Variants in ORC5 observed in about 807,000 individuals in gnomAD.
ORC5 encodes the protein protein phosphatase 1, regulatory subunit 117.
A neutral mutation model predicts 58.8 loss-of-function variants in ORC5; 39 were observed. The ratio of observed to expected loss-of-function variants is 0.66; its 90% CI spans 0.51 to 0.87. ORC5 has a LOEUF of 0.87. Ranked by LOEUF, ORC5 falls within the 40% of genes least tolerant of loss-of-function variation. The pLI, the probability that ORC5 is intolerant of heterozygous loss-of-function variation, is 0.00. For missense variants in ORC5, 493 were observed against 506.3 expected, an observed-to-expected ratio of 0.97 and a Z score of 0.25; for synonymous variants, 218 against 177.6, an observed-to-expected ratio of 1.23 and a Z score of -1.81.
intron 12 of ORC5, among the ~76,000 whole-genome samples, chr7:104,141,749 A>G (rs865852166): frequency 1.3e-5 from 2 of 152,220 alleles, no homozygotes; most frequent in Admixed American, 6.5e-5. Context: ...AAAACATGTA[A>G]GAATAAATTT....
At chr7:104,158,353 G>C (rs1311298820) in intron 12 of ORC5, among the ~76,000 whole-genome samples, 1 of 152,034 alleles carries the variant, frequency 6.6e-6, no homozygotes, top group African/African-American at 2.4e-5. Context: ...TTAAACGTTA[G>C]ACCTAAAACC....
chr7:104,182,587 G>A (rs777108813), intron 8 of ORC5, among the ~76,000 whole-genome samples: 1 of 151,784 alleles, frequency 6.6e-6, no homozygotes, highest in Admixed American at 6.6e-5. Flanking sequence ...GGAAATGTCG[G>A]TGTTACCGCT....
intron 11 of ORC5, among the ~76,000 whole-genome samples, chr7:104,162,891 G>A (rs1262788790): frequency 6.6e-6 from 1 of 152,138 alleles, no homozygotes; most frequent in Non-Finnish European, 1.5e-5. Context: ...TACCGCATAT[G>A]TATCCACAAA....
At chr7:104,161,921 C>T (rs1799031753) in intron 11 of ORC5, among the ~76,000 whole-genome samples, 1 of 152,120 alleles carries the variant, frequency 6.6e-6, no homozygotes, top group South Asian at 2.1e-4. Context: ...GTACCACTGC[C>T]AGGAAAATTC....
chr7:104,127,779 A>G (rs1335878991), intron 13 of ORC5, among the ~76,000 whole-genome samples: 3 of 152,346 alleles, frequency 2.0e-5, no homozygotes, highest in East Asian at 3.9e-4. Flanking sequence ...AATGACTGAC[A>G]TATCAAATAT....
At chr7:104,190,519 A>G (rs1240536178) in intron 5 of ORC5, among the ~76,000 whole-genome samples, 2 of 152,058 alleles carry the variant, frequency 1.3e-5, no homozygotes, top group African/African-American at 4.8e-5. Flanking sequence ...ATACCACATT[A>G]AGAGTCCTAA....
chr7:104,199,182 G>GA (rs1392160025), intron 3 of ORC5, among the ~76,000 whole-genome samples: 2 of 102 alleles, frequency 0.02, no homozygotes, highest in Admixed American at 0.17. Flanking sequence ...AGTCCCCACT[G>GA]GGCACTGCCT....
rs1326704741 is a variant in ORC5, at chr7:104,126,602, T to C, written c.*246A>G. ...TCATTAAGAGTAGAACAGATTGTGC[T>C]CAAACCCTGCTGTTTATAATTAACA... On this transcript the variant is annotated 3_prime_UTR_variant, in exon 14 of 14. Coordinates refer to ENST00000297431, the MANE Select transcript of ORC5 (RefSeq NM_002553.4). 1 of 435,784 alleles carries C rather than the reference T, an allele frequency of 2.3e-6. No homozygotes were observed. The highest frequency in any genetic ancestry group is 4.0e-6 in the Non-Finnish European group (1 of 247,144). 27.0% of individuals were successfully genotyped at this position (435,784 alleles called of 1,614,324 possible).
At chr7:104,204,803 C>T (rs79603647) in intron 1 of ORC5, among the ~76,000 whole-genome samples, 2,775 of 152,296 alleles carry the variant, frequency 0.018, 78 homozygotes, top group African/African-American at 0.063. Flanking sequence ...ATCTGCATAG[C>T]ATTTATTTTA....
intron 8 of ORC5, among the ~76,000 whole-genome samples, chr7:104,182,255 A>C (rs1414616989): frequency 6.6e-6 from 1 of 152,234 alleles, no homozygotes; most frequent in Non-Finnish European, 1.5e-5. Flanking sequence ...ATAACCAGAG[A>C]CAGTCGAACT....
chr7:104,176,339 G>A (rs1305655691), intron 8 of ORC5, among the ~76,000 whole-genome samples: 2 of 152,174 alleles, frequency 1.3e-5, no homozygotes, highest in Non-Finnish European at 2.9e-5. Flanking sequence ...TCTGGGAAAG[G>A]CATAGACAGG....
intron 8 of ORC5, among the ~76,000 whole-genome samples, chr7:104,169,411 A>G (rs1799169635): frequency 6.6e-6 from 1 of 152,194 alleles, no homozygotes; most frequent in African/African-American, 2.4e-5. Context: ...TGATTATGAC[A>G]CGACAAATTG....
intron 12 of ORC5, among the ~76,000 whole-genome samples, chr7:104,160,807 AT>A (rs1799009436): frequency 6.6e-6 from 1 of 152,138 alleles, no homozygotes; most frequent in Admixed American, 6.5e-5. Flanking sequence ...AATTATGATT[AT>A]TTAATTTTAA....
chr7:104,144,522 G>A (rs1362087301), intron 12 of ORC5, among the ~76,000 whole-genome samples: 6 of 152,178 alleles, frequency 3.9e-5, no homozygotes, highest in South Asian at 4.1e-4. Flanking sequence ...TTGGGAGGCC[G>A]AGGCAGGCAG....
intron 12 of ORC5, among the ~76,000 whole-genome samples, chr7:104,150,864 A>G (rs1445714335): frequency 3.9e-5 from 6 of 151,972 alleles, no homozygotes; most frequent in Non-Finnish European, 8.8e-5. Context: ...ATGACATAAA[A>G]TGAGTGCTAT....
Position 104,197,780 on chromosome 7 carries a change from T to A in ORC5, c.386A>T (p.Tyr129Phe). The change falls in exon 4 of 14, where the codon TAT becomes TTT. Residue 129 changes from tyrosine (Y) to phenylalanine (F), a missense_variant. This residue lies in a region of ORC5 where 412 missense variants were observed against 403.7 expected (regional missense o/e 1.02). Transcript: ENST00000297431. ...TVYIVLDKAE[Y>F]LRDMEANLLP... ...AAGATTTGCTTCCATATCTCTTAGA[T>A]ACTCTGCTTTATCTAGAACCTTTAA... 1 of 1,589,918 alleles carries A rather than the reference T, an allele frequency of 6.3e-7. No individual in the cohort carries two copies. The highest frequency in any genetic ancestry group is 8.6e-7 in the Non-Finnish European group (1 of 1,168,646).
intron 5 of ORC5, among the ~76,000 whole-genome samples, chr7:104,190,833 T>C (rs1459140125): frequency 6.6e-6 from 1 of 151,966 alleles, no homozygotes; most frequent in Non-Finnish European, 1.5e-5. Context: ...TTGTTTAAGG[T>C]TCCCAGTAAG....
intron 12 of ORC5, among the ~76,000 whole-genome samples, chr7:104,157,794 G>C (rs1798951418): frequency 6.6e-6 from 1 of 152,070 alleles, no homozygotes; most frequent in African/African-American, 2.4e-5. Context: ...GTGGCATGTG[G>C]TGGCAGTAGT....
chr7:104,145,081 T>G (rs1028069161), intron 12 of ORC5, among the ~76,000 whole-genome samples: 10 of 152,320 alleles, frequency 6.6e-5, no homozygotes, highest in African/African-American at 2.4e-4. Context: ...TACAGGGGTC[T>G]TTGGGGGACA....
Sources: allele counts gnomAD v4.1 joint callset (sites outside exome capture counted in the v4.1 genomes callset), GRCh38; gene constraint gnomAD v4.1.1; regional missense constraint gnomAD v4.1.1; transcripts MANE v1.5; gene names NCBI Gene and HGNC (gene_info 2026-07-23, HGNC 2026-07-21).